ATP11C: variants seen among roughly 807,000 people sequenced by gnomAD.
ATP11C encodes phospholipid-transporting ATPase IG.
Under a neutral mutation model 97.4 loss-of-function variants are expected in ATP11C, and 36 were observed. That is an observed-to-expected ratio of 0.37 (90% CI 0.28 to 0.49). ATP11C has a LOEUF of 0.49. ATP11C is among the 20% of genes least tolerant of loss of function. ATP11C has a pLI of 0.98. For synonymous variants in ATP11C, 275 were observed against 290.9 expected (o/e 0.95, Z 0.56); for missense variants, 730 against 824.6 (o/e 0.89, Z 1.40).
At chrX:139,829,735 AAT>A (rs1227105190) in intron 1 of ATP11C, among the ~76,000 whole-genome samples, 1 of 111,841 alleles carries the variant, frequency 8.9e-6, no homozygotes, top group Non-Finnish European at 1.9e-5. Flanking sequence ...AATATTAAAA[AAT>A]ATGTTTACAA....
intron 1 of ATP11C, among the ~76,000 whole-genome samples, chrX:139,838,050 C>T (rs1340668994): frequency 5.4e-5 from 6 of 112,076 alleles, no homozygotes; most frequent in Non-Finnish European, 1.1e-4. Flanking sequence ...TCAAAAGACA[C>T]CTCCAATAGA....
chrX:139,742,876 A>ATAT (rs1468651303), intron 26 of ATP11C, among the ~76,000 whole-genome samples: 1 of 26,218 alleles, frequency 3.8e-5, no homozygotes, highest in Admixed American at 4.4e-4. Flanking sequence ...AAAAAAAAAA[A>ATAT]ATATATATAT....
At chrX:139,915,011 G>A (rs1167376128) in intron 1 of ATP11C, among the ~76,000 whole-genome samples, 2 of 111,844 alleles carry the variant, frequency 1.8e-5, no homozygotes, top group African/African-American at 6.5e-5. Context: ...TGATTAAAAG[G>A]CAAAGAAAAA....
chrX:139,858,682 T>C (rs2084132791), intron 1 of ATP11C, among the ~76,000 whole-genome samples: 1 of 112,390 alleles, frequency 8.9e-6, no homozygotes, highest in Admixed American at 9.5e-5. Context: ...AAAAAAGATA[T>C]TATTATCCCC....
intron 18 of ATP11C, among the ~76,000 whole-genome samples, chrX:139,778,240 T>A (rs1196623740): frequency 4.5e-5 from 5 of 111,282 alleles, no homozygotes. Flanking sequence ...AAAAATAAAG[T>A]TTTTCCCAGA....
intron 3 of ATP11C, among the ~76,000 whole-genome samples, chrX:139,817,658 A>G (rs1390725603): frequency 8.9e-6 from 1 of 112,539 alleles, no homozygotes; most frequent in African/African-American, 3.2e-5. Flanking sequence ...AGAAGGGAAC[A>G]AGAGTGAAGG....
chrX:139,813,342 C>T (rs1285826288), intron 5 of ATP11C, among the ~76,000 whole-genome samples: 2 of 112,043 alleles, frequency 1.8e-5, no homozygotes, highest in African/African-American at 6.5e-5. Flanking sequence ...CAAAATGATA[C>T]AGCTACTTTG....
rs938982097 is a variant in ATP11C, at chrX:139,726,969, T to C, written c.*1997A>G. ...ATCTAGGCCATGATATCATGTATCATTGCCATTCTGAATTTGAGCTGCAGT... is the reference window on the plus strand; with the variant it reads ...ATCTAGGCCATGATATCATGTATCACTGCCATTCTGAATTTGAGCTGCAGT... On this transcript the variant is annotated 3_prime_UTR_variant, in exon 30 of 30. Transcript: ENST00000682941. 8.9e-5 allele frequency: 10 copies of C among 111,862 alleles called. No individual in the cohort carries two copies. The highest frequency in any genetic ancestry group is 2.9e-4 in the African/African-American group (9 of 30,828). The allele number at this position is 111,862 out of a possible 1,213,427, so 9.2% of individuals were successfully genotyped here. A position where few individuals can be genotyped will look rare whatever the true frequency, so the allele number is the denominator to read the frequency against.
At chrX:139,931,373 G>C (rs1052386746) in intron 1 of ATP11C, among the ~76,000 whole-genome samples, 2 of 112,110 alleles carry the variant, frequency 1.8e-5, no homozygotes, top group Admixed American at 9.4e-5. Context: ...TCGGCAGCAC[G>C]GGCAGTGGCG....
At chrX:139,880,654 G>C (rs2084546929) in intron 1 of ATP11C, among the ~76,000 whole-genome samples, 1 of 111,590 alleles carries the variant, frequency 9.0e-6, no homozygotes, top group African/African-American at 3.3e-5. Context: ...CAGAAGAAGA[G>C]CTATTGGGTC....
At chrX:139,745,579 C>T (rs2081664025) in intron 25 of ATP11C, 143 bp downstream of exon 25, 1 of 523,194 alleles carries the variant, frequency 1.9e-6, no homozygotes, top group Admixed American at 4.2e-5. Flanking sequence ...TCTAAAGAAG[C>T]TGTGAGAACT....
At position 139,782,562 on chromosome X, in the gene ATP11C, G is replaced by C. The variant is rs754479098; in HGVS notation, c.1937C>G (p.Thr646Ser). 8.3e-7 allele frequency: 1 copy of C among 1,202,546 alleles called. No homozygotes were observed. The highest frequency in any genetic ancestry group is 1.1e-6 in the Non-Finnish European group (1 of 890,601). Residue 646 changes from threonine (T) to serine (S), a missense_variant, in exon 18 of 30, where the codon ACT becomes AGT. Physicochemically the swap from Thr to Ser is moderately conservative, Grantham distance 58. Transcript: ENST00000682941. ...TTCTAGTTACTTGTCTTCAACTGCA[G>C]TGGCTCCAATTAAATTCATGTTTGT... Reference protein sequence around the residue: ...IETNMNLIGATAVEDKLQDQA... With the variant: ...IETNMNLIGASAVEDKLQDQA...
At chrX:139,936,623 G>A (rs1470966125), upstream of ATP11C, among the ~76,000 whole-genome samples, 1 of 111,460 alleles carries the variant, frequency 9.0e-6, no homozygotes, top group Non-Finnish European at 1.9e-5. Context: ...GGGAAGGAGT[G>A]CTTTCTCAAT....
chrX:139,874,939 C>T (rs2084444607), intron 1 of ATP11C, among the ~76,000 whole-genome samples: 1 of 111,103 alleles, frequency 9.0e-6, no homozygotes, highest in African/African-American at 3.3e-5. Context: ...CCAAATGTCT[C>T]ATCTTATTTA....
chrX:139,761,243 C>T (rs1239082370), intron 22 of ATP11C, among the ~76,000 whole-genome samples: 2 of 111,165 alleles, frequency 1.8e-5, no homozygotes, highest in Non-Finnish European at 3.8e-5. Flanking sequence ...TGCACTCCAG[C>T]CTGAGCAACA....
intron 27 of ATP11C, among the ~76,000 whole-genome samples, chrX:139,740,280 T>C (rs2148624342): frequency 9.0e-6 from 1 of 111,543 alleles, no homozygotes; most frequent in South Asian, 3.8e-4. Flanking sequence ...GAGATGCAAA[T>C]ATATAACTCT....
At chrX:139,859,032 T>A (rs1768533776) in intron 1 of ATP11C, among the ~76,000 whole-genome samples, 1 of 112,645 alleles carries the variant, frequency 8.9e-6, no homozygotes, top group African/African-American at 3.2e-5. Context: ...TAATTACATT[T>A]TTTTTAAATT....
At chrX:139,922,372 C>G (rs1224320028) in intron 1 of ATP11C, among the ~76,000 whole-genome samples, 1 of 103,612 alleles carries the variant, frequency 9.7e-6, no homozygotes, top group East Asian at 3.0e-4. Flanking sequence ...AGACCTAAAG[C>G]CACCTGTTTT....
chrX:139,745,473 T>C (rs2081661421), intron 25 of ATP11C, among the ~76,000 whole-genome samples: 2 of 112,123 alleles, frequency 1.8e-5, no homozygotes, highest in Non-Finnish European at 1.9e-5. Flanking sequence ...GTTCATCTAG[T>C]AAAAATTACA....
Sources: gnomAD v4.1 joint callset for allele counts (sites outside exome capture counted in the v4.1 genomes callset) on GRCh38, gnomAD v4.1.1 for gene constraint, MANE v1.5 for transcripts, NCBI Gene and HGNC (gene_info 2026-07-23, HGNC 2026-07-21) for gene names.